CCDC112: variants seen among roughly 807,000 people sequenced by gnomAD.
The protein encoded by CCDC112 is coiled-coil domain-containing protein 112.
In CCDC112, 40 loss-of-function variants were observed where a neutral mutation model predicts 66.3. The ratio of observed to expected loss-of-function variants is 0.60; its 90% CI spans 0.47 to 0.79. The LOEUF (loss-of-function observed/expected upper bound fraction) is 0.79. Ranked by LOEUF, CCDC112 falls within the 30% of genes least tolerant of loss-of-function variation. The pLI, the probability that CCDC112 is intolerant of heterozygous loss-of-function variation, is 0.00. For synonymous variants in CCDC112, 214 were observed against 197.2 expected, an observed-to-expected ratio of 1.09 and a Z score of -0.71; for missense variants, 659 against 603.8, an observed-to-expected ratio of 1.09 and a Z score of -0.96.
At position 115,279,407 on chromosome 5, in the gene CCDC112, G is replaced by A. The variant is rs896766391; in HGVS notation, c.361+240C>T. ...AAATCCTCTCTTTCTTGTTATATTG[G>A]AAAAAATATACAACAGAAAACAATC... On this transcript the variant is annotated intron_variant, in intron 3 of 9. Coordinates refer to ENST00000379611, the MANE Select transcript of CCDC112 (RefSeq NM_001040440.3). 3.3e-5 allele frequency among the ~76,000 whole-genome samples: 5 copies of A among 151,932 alleles called. 2 individuals carry two copies. The highest frequency in any genetic ancestry group is 1.3e-4 in the Admixed American group (2 of 15,254).
At chr5:115,272,198 C>T (rs1379250985) in intron 6 of CCDC112, among the ~76,000 whole-genome samples, 2 of 152,174 alleles carry the variant, frequency 1.3e-5, no homozygotes, top group African/African-American at 4.8e-5. Context: ...GCTGAGATTA[C>T]AGGTGTGAGC....
rs374242675 is a variant in CCDC112, at chr5:115,289,735, C to T, written c.118-4827G>A. Among the ~76,000 whole-genome samples, 3 of 152,176 alleles carry T rather than the reference C, an allele frequency of 2.0e-5. 1 individual carries two copies. The highest frequency in any genetic ancestry group is 4.1e-4 in the South Asian group (2 of 4,824). On this transcript the variant is annotated intron_variant, in intron 1 of 9. Coordinates refer to ENST00000379611, the MANE Select transcript of CCDC112 (RefSeq NM_001040440.3). ...CTTTCTTAATAATGTTCTTTTGCAG[C>T]GGCTTAATCCCGGCTCACTGCAACC...
intron 1 of CCDC112, among the ~76,000 whole-genome samples, chr5:115,293,623 A>C (rs73257485): frequency 0.013 from 1,961 of 151,874 alleles, 44 homozygotes; most frequent in African/African-American, 0.044. Context: ...TTCCATCATC[A>C]CATCTCCTAC....
intron 4 of CCDC112, 47 bp from the exon 5 acceptor site, chr5:115,276,116 G>A (rs1261529382): frequency 7.6e-7 from 1 of 1,318,406 alleles, no homozygotes; most frequent in African/African-American, 1.5e-5. Context: ...TTCCCATATG[G>A]CTAAAAGTTA....
chr5:115,275,963 A>T, intron 5 of CCDC112, 31 bp downstream of exon 5: 1 of 1,444,778 alleles, frequency 6.9e-7, no homozygotes, highest in Non-Finnish European at 9.6e-7. Context: ...AAAGGTCAAT[A>T]ATTTTATATT....
intron 2 of CCDC112, among the ~76,000 whole-genome samples, chr5:115,281,837 C>CA (rs927412438): frequency 1.3e-5 from 2 of 151,978 alleles, no homozygotes; most frequent in Admixed American, 6.6e-5. Context: ...ATCATATTGG[C>CA]AAAAAAATCA....
chr5:115,279,749 C>T lies in CCDC112; in HGVS notation c.259G>A (p.Asp87Asn), dbSNP rs746897557. The T allele has an allele frequency of 4.6e-5, 69 of 1,513,090 alleles. No homozygotes were observed. The highest frequency in any genetic ancestry group is 6.1e-5 in the Non-Finnish European group (66 of 1,090,568). 93.7% of individuals were successfully genotyped at this position (1,513,090 alleles called of 1,614,324 possible). A position where few individuals can be genotyped will look rare whatever the true frequency, so the allele number is the denominator to read the frequency against. Residue 87 changes from aspartate to asparagine, a missense_variant, in exon 3 of 10, where the codon GAT becomes AAT. Physicochemically the swap from Asp to Asn is conservative, Grantham distance 23. Transcript: ENST00000379611. The stretch of plus-strand genomic sequence containing the variant: ...TGGTTGTAGAAATGACTGTGTTTAT[C>T]TTTTTCCATGTTAATTACTCTTTAG... ...FKNQVINMEKDKHSHFYNQKS... is the reference protein window; with the variant it reads ...FKNQVINMEKNKHSHFYNQKS...
At chr5:115,275,627 T>C in intron 5 of CCDC112, 21 bp from the exon 6 acceptor site, 1 of 1,472,866 alleles carries the variant, frequency 6.8e-7, no homozygotes, top group South Asian at 1.3e-5. Context: ...AAAAATAAAG[T>C]TTGAATAAGA....
intron 3 of CCDC112, among the ~76,000 whole-genome samples, chr5:115,277,571 T>C (rs778102830): frequency 1.5e-4 from 23 of 152,178 alleles, no homozygotes; most frequent in Non-Finnish European, 2.9e-4. Flanking sequence ...TTGTTATCAC[T>C]GGCACGGCCC....
At chr5:115,296,298 G>A in intron 1 of CCDC112, 129 bp downstream of exon 1, 1 of 1,337,450 alleles carries the variant, frequency 7.5e-7, no homozygotes, top group Admixed American at 4.0e-5. Flanking sequence ...AACGCCCAGC[G>A]CGTGCCAGGC....
rs969686564 is a variant in CCDC112 at position 115,277,044 on chromosome 5, G to A, written c.372C>T (p.Ile124=). 2 of 1,602,900 alleles carry A rather than the reference G, an allele frequency of 1.2e-6. No homozygotes were observed. The highest frequency in any genetic ancestry group is 2.7e-5 in the African/African-American group (2 of 74,644). The stretch of plus-strand genomic sequence containing the variant: ...TATGTATTTTGGCCAATTGTTGCTG[G>A]ATTTTTGCTCCTATAAGAAAGAAGT... The part of the protein sequence containing the change: ...IHSRKTERAK[I]QQQLAKIHNN... Residue 124 remains isoleucine (I), a synonymous_variant, in exon 4 of 10, where the codon ATC becomes ATT. Coordinates refer to ENST00000379611, the MANE Select transcript of CCDC112 (RefSeq NM_001040440.3).
chr5:115,295,916 C>G (rs569641335), intron 1 of CCDC112: 165 of 985,700 alleles, frequency 1.7e-4, no homozygotes, highest in Non-Finnish European at 1.9e-4. Flanking sequence ...ATACCTTGTC[C>G]TCACCACCTA....
At chr5:115,281,697 A>C (rs951699437) in intron 2 of CCDC112, among the ~76,000 whole-genome samples, 3 of 152,222 alleles carry the variant, frequency 2.0e-5, no homozygotes, top group Non-Finnish European at 4.4e-5. Flanking sequence ...TTTTTCCTGG[A>C]TTAGAAATAT....
intron 1 of CCDC112, chr5:115,289,448 G>C (rs959331199): frequency 6.5e-6 from 1 of 153,128 alleles, no homozygotes; most frequent in Non-Finnish European, 1.5e-5. Flanking sequence ...CCCAGCGGCT[G>C]AGATCCCCAC....
chr5:115,269,362 T>A (rs1233305439), intron 8 of CCDC112, among the ~76,000 whole-genome samples: 1 of 152,182 alleles, frequency 6.6e-6, no homozygotes, highest in African/African-American at 2.4e-5. Context: ...GGGTCACCAA[T>A]ATCTTTAGCT....
chr5:115,278,867 A>G (rs1208774148), intron 3 of CCDC112, among the ~76,000 whole-genome samples: 1 of 152,224 alleles, frequency 6.6e-6, no homozygotes, highest in African/African-American at 2.4e-5. Flanking sequence ...TCTCATCTCT[A>G]CATAGTAAGT....
intron 8 of CCDC112, among the ~76,000 whole-genome samples, 194 bp from the exon 9 acceptor site, chr5:115,269,194 CTG>C (rs1432691079): frequency 1.3e-5 from 2 of 152,122 alleles, no homozygotes; most frequent in Non-Finnish European, 2.9e-5. Context: ...TATTCATAAA[CTG>C]TTAGTTTATT....
Position 115,277,015 on chromosome 5 carries a change from T to C in CCDC112, c.401A>G (p.Asn134Ser). ...IQQQLAKIHN[N>S]VKKLQHQLKD... ...TAATTGATGCTGAAGTTTCTTTACA[T>C]TATTATGTATTTTGGCCAATTGTTG... Residue 134 changes from asparagine (N) to serine (S), a missense_variant, in exon 4 of 10, where the codon AAT becomes AGT. Transcript: ENST00000379611. 6.2e-7 allele frequency: 1 copy of C among 1,610,240 alleles called. No individual in the cohort carries two copies.
chr5:115,288,295 A>G (rs1354339060), intron 1 of CCDC112, among the ~76,000 whole-genome samples: 2 of 152,182 alleles, frequency 1.3e-5, no homozygotes, highest in African/African-American at 4.8e-5. Context: ...TGTACTTTTA[A>G]AAGTTACTCC....
Sources: allele counts gnomAD v4.1 joint callset (sites outside exome capture counted in the v4.1 genomes callset), GRCh38; gene constraint gnomAD v4.1.1; transcripts MANE v1.5; gene names NCBI Gene and HGNC (gene_info 2026-07-23, HGNC 2026-07-21).